Variants in KCNAB1 observed in about 807,000 individuals in gnomAD.
KCNAB1 encodes voltage-gated potassium channel subunit beta-1.
Under a neutral mutation model 64.6 loss-of-function variants are expected in KCNAB1, and 35 were observed. That is an observed-to-expected ratio of 0.54 (90% confidence interval 0.41 to 0.72). The LOEUF (loss-of-function observed/expected upper bound fraction) is 0.72. Among genes scored for constraint, KCNAB1 ranks in the 30% least tolerant of loss-of-function variants. The pLI, the probability that KCNAB1 is intolerant of heterozygous loss-of-function variation, is 0.00. For missense variants in KCNAB1, 401 were observed against 512.9 expected, an observed-to-expected ratio of 0.78 and a Z score of 2.11; for synonymous variants, 177 against 183.8, an observed-to-expected ratio of 0.96 and a Z score of 0.30.
At chr3:156,513,612 G>A (rs914371208) in intron 8 of KCNAB1, among the ~76,000 whole-genome samples, 1 of 152,208 alleles carries the variant, frequency 6.6e-6, no homozygotes, top group Admixed American at 6.5e-5. Context: ...GTGCCAAGAG[G>A]ATTTGCTCAG....
chr3:156,247,227 ATATGGTGGT>A (rs1475775598), intron 1 of KCNAB1, among the ~76,000 whole-genome samples: 3 of 152,206 alleles, frequency 2.0e-5, no homozygotes, highest in Non-Finnish European at 4.4e-5. Context: ...GAGCTCATTC[ATATGGTGGT>A]TGCAGGGGTC....
intron 1 of KCNAB1, among the ~76,000 whole-genome samples, chr3:156,199,939 T>A (rs539457975): frequency 6.6e-6 from 1 of 152,380 alleles, no homozygotes; most frequent in East Asian, 1.9e-4. Flanking sequence ...CACTGTTTTT[T>A]TCCTCAACTT....
At chr3:156,193,469 T>C (rs1713694869) in intron 1 of KCNAB1, among the ~76,000 whole-genome samples, 2 of 152,182 alleles carry the variant, frequency 1.3e-5, no homozygotes, top group Admixed American at 6.6e-5. Flanking sequence ...GTGGGTGTAT[T>C]AGTCTGTTTT....
At chr3:156,227,518 G>A (rs952768151) in intron 1 of KCNAB1, among the ~76,000 whole-genome samples, 3 of 152,140 alleles carry the variant, frequency 2.0e-5, no homozygotes, top group Non-Finnish European at 4.4e-5. Context: ...ATTTTTATAT[G>A]CAAATTAGTA....
At chr3:156,344,008 A>C (rs1160090757) in intron 1 of KCNAB1, among the ~76,000 whole-genome samples, 2 of 152,102 alleles carry the variant, frequency 1.3e-5, no homozygotes, top group Non-Finnish European at 2.9e-5. Flanking sequence ...TCTTGATTAC[A>C]TGTCTTCTTT....
intron 1 of KCNAB1, among the ~76,000 whole-genome samples, chr3:156,166,360 G>A (rs1259476320): frequency 2.0e-5 from 3 of 152,160 alleles, no homozygotes; most frequent in African/African-American, 7.2e-5. Flanking sequence ...AAAAGGAACA[G>A]GGGAGCAGAG....
intron 8 of KCNAB1, among the ~76,000 whole-genome samples, chr3:156,485,580 CTG>C (rs1188447534): frequency 1.3e-5 from 2 of 151,574 alleles, no homozygotes; most frequent in Non-Finnish European, 2.9e-5. Context: ...ATTGTCATGA[CTG>C]TTAAATTTTT....
rs111559753 is a variant in KCNAB1, at chr3:156,433,583, G to C, written c.319+11924G>C. Among the ~76,000 whole-genome samples, 264 of 152,312 alleles carry C rather than the reference G, an allele frequency of 1.7e-3. 1 individual carries two copies. Among genetic ancestry groups the C allele is most frequent in the African/African-American group, 5.3e-3 (221 of 41,562 alleles). ...TAAACAAGAATGTGATAGAAGTAGAGAGGCAGAGAGATAGAGGTACAAGAC... is the reference window on the plus strand; with the variant it reads ...TAAACAAGAATGTGATAGAAGTAGACAGGCAGAGAGATAGAGGTACAAGAC... On this transcript the variant is annotated intron_variant, in intron 2 of 13. Transcript: ENST00000490337.
chr3:156,338,204 A>C (rs1723844296), intron 1 of KCNAB1, among the ~76,000 whole-genome samples: 1 of 151,038 alleles, frequency 6.6e-6, no homozygotes, highest in South Asian at 2.1e-4. Context: ...AAGGTTTTGC[A>C]TATGGAGACA....
At chr3:156,192,819 A>G (rs560023785) in intron 1 of KCNAB1, among the ~76,000 whole-genome samples, 17 of 152,016 alleles carry the variant, frequency 1.1e-4, no homozygotes, top group Non-Finnish European at 2.4e-4. Flanking sequence ...CTTTCTTTAG[A>G]TTAGTATTAT....
At chr3:156,355,696 T>C (rs1399398709) in intron 1 of KCNAB1, among the ~76,000 whole-genome samples, 1 of 152,208 alleles carries the variant, frequency 6.6e-6, no homozygotes, top group South Asian at 2.1e-4. Context: ...ATGTACAGGT[T>C]TCTAATACTC....
At chr3:156,221,155 C>T (rs1249395827) in intron 1 of KCNAB1, among the ~76,000 whole-genome samples, 1 of 152,198 alleles carries the variant, frequency 6.6e-6, no homozygotes, top group Non-Finnish European at 1.5e-5. Context: ...TAGCATGATA[C>T]CTCCAGCTTT....
chr3:156,291,921 T>G, intron 1 of KCNAB1: 1 of 1,614,124 alleles, frequency 6.2e-7, no homozygotes, highest in African/African-American at 1.3e-5. Context: ...CAAGTCTCCA[T>G]AGCCTGCACA....
intron 1 of KCNAB1, among the ~76,000 whole-genome samples, chr3:156,276,287 G>A (rs1719342750): frequency 6.6e-6 from 1 of 152,144 alleles, no homozygotes; most frequent in African/African-American, 2.4e-5. Flanking sequence ...GTAAACAGAT[G>A]TGCTGTCATC....
chr3:156,518,557 C>T (rs1475104863), intron 11 of KCNAB1, among the ~76,000 whole-genome samples: 1 of 152,024 alleles, frequency 6.6e-6, no homozygotes, highest in Non-Finnish European at 1.5e-5. Context: ...TGGTAACGTT[C>T]ATCCCACCCT....
intron 8 of KCNAB1, among the ~76,000 whole-genome samples, chr3:156,511,551 C>T (rs1000388815): frequency 1.3e-5 from 2 of 152,158 alleles, no homozygotes; most frequent in African/African-American, 4.8e-5. Flanking sequence ...TTAATTCCTC[C>T]CTTTCCCTGA....
chr3:156,191,293 C>CA (rs1713544633), intron 1 of KCNAB1, among the ~76,000 whole-genome samples: 1 of 152,230 alleles, frequency 6.6e-6, no homozygotes, highest in Non-Finnish European at 1.5e-5. Context: ...TGTGACCTGT[C>CA]ACTAGGGAAC....
chr3:156,173,706 T>A (rs1420707342), intron 1 of KCNAB1, among the ~76,000 whole-genome samples: 1 of 152,234 alleles, frequency 6.6e-6, no homozygotes, highest in Non-Finnish European at 1.5e-5. Flanking sequence ...TAATTTTATA[T>A]GTCAACTTGA....
chr3:156,477,228 T>A (rs1714432618), intron 8 of KCNAB1, among the ~76,000 whole-genome samples: 1 of 152,198 alleles, frequency 6.6e-6, no homozygotes. Context: ...AGTTCGTAAC[T>A]GCAGCATTAT....
Sources: gnomAD v4.1 joint callset for allele counts (sites outside exome capture counted in the v4.1 genomes callset) on GRCh38, gnomAD v4.1.1 for gene constraint, MANE v1.5 for transcripts, NCBI Gene and HGNC (gene_info 2026-07-23, HGNC 2026-07-21) for gene names.